LSAMP: variants seen among roughly 807,000 people sequenced by gnomAD.
LSAMP encodes the protein limbic system associated membrane protein.
Under a neutral mutation model 38.6 loss-of-function variants are expected in LSAMP, and 7 were observed. The observed-to-expected ratio is 0.18, with a 90% CI of 0.10 to 0.34. The LOEUF (loss-of-function observed/expected upper bound fraction) is 0.34, where lower values mean the gene tolerates loss of function less well. LSAMP is among the 10% of genes least tolerant of loss of function. LSAMP has a pLI of 1.00. For synonymous variants in LSAMP, 154 were observed against 166.8 expected, an observed-to-expected ratio of 0.92 and a Z score of 0.59; for missense variants, 313 against 420.0, an observed-to-expected ratio of 0.75 and a Z score of 2.23.
At chr3:115,848,061 G>A (rs894805537) in intron 4 of LSAMP, among the ~76,000 whole-genome samples, 2 of 149,230 alleles carry the variant, frequency 1.3e-5, no homozygotes, top group African/African-American at 5.2e-5. Context: ...ATTAGGATAT[G>A]TCTTTACCAT....
rs562828534 is a variant in LSAMP at position 116,211,171 on chromosome 3, G to A, written c.156-124615C>T. Among the ~76,000 whole-genome samples, 102 of 152,248 alleles carry A rather than the reference G, an allele frequency of 6.7e-4. 1 individual carries two copies. Among genetic ancestry groups the A allele is most frequent in the African/African-American group, 2.3e-3 (96 of 41,548 alleles). ...TCATAGAAGCAGAAAGAAGAATGAC[G>A]GTTACCAGGGATGGGAGGAGGGGGA... On this transcript the variant is annotated intron_variant, in intron 1 of 6. Coordinates refer to ENST00000490035, the MANE Select transcript of LSAMP (RefSeq NM_002338.5).
intron 1 of LSAMP, among the ~76,000 whole-genome samples, chr3:116,300,263 C>T (rs2047388223): frequency 1.3e-5 from 2 of 152,202 alleles, no homozygotes; most frequent in African/African-American, 4.8e-5. Flanking sequence ...TGCTGCATCC[C>T]CTTGCTTAGG....
intron 1 of LSAMP, among the ~76,000 whole-genome samples, chr3:116,204,440 C>T (rs1332317077): frequency 6.6e-6 from 1 of 151,984 alleles, no homozygotes; most frequent in East Asian, 1.9e-4. Context: ...CTTTTATTGC[C>T]ATTGCTTTTG....
At chr3:116,088,218 T>C (rs940911830) in intron 1 of LSAMP, among the ~76,000 whole-genome samples, 1 of 152,212 alleles carries the variant, frequency 6.6e-6, no homozygotes, top group Admixed American at 6.5e-5. Context: ...GGTGCCAAGA[T>C]ACACAGGTCT....
At chr3:116,009,567 G>T (rs1314419269) in intron 3 of LSAMP, among the ~76,000 whole-genome samples, 2 of 152,176 alleles carry the variant, frequency 1.3e-5, no homozygotes, top group Non-Finnish European at 2.9e-5. Flanking sequence ...CAATACCTTT[G>T]CTTCTGCTCT....
intron 1 of LSAMP, among the ~76,000 whole-genome samples, chr3:116,108,698 G>A (rs890906648): frequency 3.3e-5 from 5 of 152,170 alleles, no homozygotes; most frequent in African/African-American, 9.7e-5. Flanking sequence ...GTGGGGTCCC[G>A]CAGAGATGGG....
At chr3:116,255,751 T>C (rs145676016) in intron 1 of LSAMP, among the ~76,000 whole-genome samples, 12 of 152,234 alleles carry the variant, frequency 7.9e-5, no homozygotes, top group African/African-American at 2.9e-4. Flanking sequence ...TCTATGACAA[T>C]TAAGCAAGAA....
chr3:115,932,535 A>T (rs1475431387), intron 3 of LSAMP, among the ~76,000 whole-genome samples: 2 of 152,248 alleles, frequency 1.3e-5, no homozygotes, highest in Non-Finnish European at 2.9e-5. Flanking sequence ...ATAGACAATG[A>T]TGTGAAGAGA....
rs1180456787 is a variant in LSAMP, at chr3:116,223,527, A to G, written c.156-136971T>C. Among the ~76,000 whole-genome samples the G allele has an allele frequency of 2.0e-5, 3 of 152,190 alleles. No individual in the cohort carries two copies. In the East Asian group the frequency reaches 5.8e-4, roughly 29 times the overall value. ...TGTAAGAATAAGAAAACTACTGAAAATATTGAGACTATCATTTTAAGTAGA... is the reference window on the plus strand; with the variant it reads ...TGTAAGAATAAGAAAACTACTGAAAGTATTGAGACTATCATTTTAAGTAGA... On this transcript the variant is annotated intron_variant, in intron 1 of 6. Transcript: ENST00000490035.
At chr3:116,317,185 C>A (rs1206434349) in intron 1 of LSAMP, among the ~76,000 whole-genome samples, 2 of 152,110 alleles carry the variant, frequency 1.3e-5, no homozygotes, top group African/African-American at 2.4e-5. Flanking sequence ...TGTTGTTTGG[C>A]TCTTCACAAT....
At chr3:116,077,561 T>C (rs1410335943) in intron 2 of LSAMP, among the ~76,000 whole-genome samples, 2 of 152,138 alleles carry the variant, frequency 1.3e-5, no homozygotes, top group African/African-American at 4.8e-5. Context: ...TATTCACAGG[T>C]TTTAATCTTA....
chr3:116,287,698 A>T (rs2047211846), intron 1 of LSAMP, among the ~76,000 whole-genome samples: 1 of 152,198 alleles, frequency 6.6e-6, no homozygotes, highest in South Asian at 2.1e-4. Context: ...TAGAAACCAA[A>T]ATAAATGGCC....
At chr3:115,943,012 GAAC>G in intron 3 of LSAMP, among the ~76,000 whole-genome samples, 1 of 152,170 alleles carries the variant, frequency 6.6e-6, no homozygotes, top group Non-Finnish European at 1.5e-5. Flanking sequence ...TTGCATGGAT[GAAC>G]AACATACGTT....
At chr3:115,983,625 A>G (rs1463489888) in intron 3 of LSAMP, among the ~76,000 whole-genome samples, 2 of 152,212 alleles carry the variant, frequency 1.3e-5, no homozygotes, top group Non-Finnish European at 1.5e-5. Flanking sequence ...TCACACATTG[A>G]GCCAACAACT....
chr3:116,343,689 T>C (rs1293865558), intron 1 of LSAMP, among the ~76,000 whole-genome samples: 1 of 151,486 alleles, frequency 6.6e-6, no homozygotes, highest in Non-Finnish European at 1.5e-5. Flanking sequence ...ACATAAGAAC[T>C]ATTTTGGCCA....
chr3:115,957,865 GC>G (rs1363550117), intron 3 of LSAMP, among the ~76,000 whole-genome samples: 6 of 152,156 alleles, frequency 3.9e-5, no homozygotes, highest in Admixed American at 2.6e-4. Context: ...TGTTGTAGAG[GC>G]TTTTTGTCTA....
chr3:115,973,588 C>G (rs7645780), intron 3 of LSAMP, among the ~76,000 whole-genome samples: 42,149 of 151,808 alleles, frequency 0.28, 7,308 homozygotes, highest in African/African-American at 0.5. Context: ...TAAAAAGTTA[C>G]CCTGGCATGG....
chr3:115,875,238 C>T (rs979303177), intron 3 of LSAMP, among the ~76,000 whole-genome samples: 2 of 152,054 alleles, frequency 1.3e-5, no homozygotes, highest in African/African-American at 4.8e-5. Context: ...GTAACCTTAA[C>T]CTAACATTTG....
intron 3 of LSAMP, among the ~76,000 whole-genome samples, chr3:115,965,202 T>A (rs1938759595): frequency 6.6e-6 from 1 of 152,026 alleles, no homozygotes; most frequent in African/African-American, 2.4e-5. Context: ...AATAGATTAC[T>A]ACTTCCCAGA....
Sources: gnomAD v4.1 joint callset for allele counts (sites outside exome capture counted in the v4.1 genomes callset) on GRCh38, gnomAD v4.1.1 for gene constraint, MANE v1.5 for transcripts, NCBI Gene and HGNC (gene_info 2026-07-23, HGNC 2026-07-21) for gene names.